FXYD6: variants seen among roughly 807,000 people sequenced by gnomAD.
FXYD6 encodes FXYD domain-containing ion transport regulator 6.
FXYD6 carries 7 observed loss-of-function variants against 16.7 expected under a neutral mutation model. That is an observed-to-expected ratio of 0.42 (90% CI 0.24 to 0.79). FXYD6 has a LOEUF of 0.79. Among genes scored for constraint, FXYD6 ranks in the 30% least tolerant of loss-of-function variants. The pLI is 0.28. For synonymous variants in FXYD6, 49 were observed against 43.0 expected (o/e 1.14, Z -0.54); for missense variants, 111 against 116.2 (o/e 0.95, Z 0.21).
rs113400549 is a variant in FXYD6 at position 117,839,899 on chromosome 11, G to A, written c.260-69C>T. Reference sequence around the variant, plus strand: ...CCCCCGTGGGCCACCCCCAACAGCAGCCGTGTCTCTGCCTGACTCTGGGGG... The same window carrying A: ...CCCCCGTGGGCCACCCCCAACAGCAACCGTGTCTCTGCCTGACTCTGGGGG... On this transcript the variant is annotated intron_variant, in intron 6 of 7. Transcript: ENST00000526014. 5.5e-4 allele frequency: 875 copies of A among 1,597,382 alleles called. 10 individuals are homozygous for A. The African/African-American group carries it at 0.01, about 19-fold the overall frequency.
At chr11:117,859,107 G>A (rs1440925578) in intron 1 of FXYD6, among the ~76,000 whole-genome samples, 3 of 142,536 alleles carry the variant, frequency 2.1e-5, no homozygotes, top group African/African-American at 7.3e-5. Flanking sequence ...CCTTCTGGGA[G>A]GCTGCTCGAA....
intron 1 of FXYD6, among the ~76,000 whole-genome samples, chr11:117,861,209 C>T (rs1402461372): frequency 2.0e-5 from 3 of 152,220 alleles, no homozygotes; most frequent in African/African-American, 7.2e-5. Context: ...GGAGCCTGCT[C>T]TGTCCCCACT....
rs1165907405 is a variant in FXYD6, at chr11:117,870,665, C to T, written c.-6+5927G>A. ...AAGTGGCATGAAGATGAACCCTGAC[C>T]CACGGGCCTGGATACCCAGAAATGT... is the stretch of plus-strand genomic sequence containing the variant. On this transcript the variant is annotated intron_variant, in intron 1 of 7. Coordinates refer to ENST00000526014, the MANE Select transcript of FXYD6 (RefSeq NM_022003.4). This position sits in a 1 kb window ranked among gnomAD's most constrained non-coding sequence, Gnocchi z 4.2. 1.3e-5 allele frequency among the ~76,000 whole-genome samples: 2 copies of T among 152,192 alleles called. No homozygotes were observed. Among genetic ancestry groups the T allele is most frequent in the East Asian group, 3.9e-4 (2 of 5,192 alleles).
intron 1 of FXYD6, among the ~76,000 whole-genome samples, chr11:117,875,098 T>C (rs1044649638): frequency 1.1e-5 from 1 of 88,396 alleles, no homozygotes; most frequent in Non-Finnish European, 3.4e-5. Context: ...CTTATTTAGA[T>C]GTACTGTGTG....
intron 1 of FXYD6, among the ~76,000 whole-genome samples, chr11:117,848,102 G>C (rs2134151897): frequency 6.6e-6 from 1 of 152,186 alleles, no homozygotes; most frequent in South Asian, 2.1e-4. Context: ...TATATTTCTT[G>C]TCCTAGTGTA....
chr11:117,847,969 A>G (rs1238724009), intron 1 of FXYD6, among the ~76,000 whole-genome samples: 1 of 152,166 alleles, frequency 6.6e-6, no homozygotes, highest in Non-Finnish European at 1.5e-5. Flanking sequence ...GAACTAGTTT[A>G]CAGTCCCACC....
chr11:117,855,647 G>T (rs777169220), intron 1 of FXYD6, among the ~76,000 whole-genome samples: 8 of 152,196 alleles, frequency 5.3e-5, no homozygotes, highest in Non-Finnish European at 1.0e-4. Flanking sequence ...AGTTCCGGGC[G>T]AGAGATTCTA....
intron 1 of FXYD6, among the ~76,000 whole-genome samples, chr11:117,859,926 C>T (rs497190): frequency 0.96 from 146,115 of 152,254 alleles, 70,363 homozygotes; most frequent in East Asian, 1. Flanking sequence ...CTCACCTTAC[C>T]GCACAGCTGG....
At chr11:117,865,242 T>C (rs982466154) in intron 1 of FXYD6, among the ~76,000 whole-genome samples, 5 of 152,182 alleles carry the variant, frequency 3.3e-5, no homozygotes, top group Non-Finnish European at 7.4e-5. Context: ...GTGGAGAAAT[T>C]GGAACCACTG....
chr11:117,838,964 G>C (rs1218637884), intron 7 of FXYD6: 3 of 153,128 alleles, frequency 2.0e-5, no homozygotes, highest in African/African-American at 7.2e-5. Context: ...ACTTGTATGG[G>C]GGGAAAAAAA....
At chr11:117,871,043 C>T (rs1244931039) in intron 1 of FXYD6, among the ~76,000 whole-genome samples, 1 of 152,174 alleles carries the variant, frequency 6.6e-6, no homozygotes, top group East Asian at 1.9e-4. Flanking sequence ...AAAACTTTCT[C>T]GGTATCCTCC....
intron 1 of FXYD6, chr11:117,843,921 G>A (rs1419576178): frequency 6.6e-6 from 1 of 152,282 alleles, no homozygotes; most frequent in African/African-American, 2.4e-5. Flanking sequence ...TCAATGGCAG[G>A]ACACACATCT....
chr11:117,843,436 T>C (rs938263944), intron 1 of FXYD6, among the ~76,000 whole-genome samples: 4 of 152,136 alleles, frequency 2.6e-5, no homozygotes, highest in East Asian at 1.9e-4. Context: ...GGACGTGACT[T>C]TGAAGATCTC....
intron 1 of FXYD6, among the ~76,000 whole-genome samples, chr11:117,866,667 T>C (rs7118101): frequency 0.17 from 25,356 of 152,140 alleles, 2,303 homozygotes; most frequent in African/African-American, 0.24. Flanking sequence ...GCACAGGCAC[T>C]CCTGTGTCCC....
chr11:117,850,223 T>A (rs1313928683), intron 1 of FXYD6, among the ~76,000 whole-genome samples: 1 of 152,246 alleles, frequency 6.6e-6, no homozygotes, highest in Non-Finnish European at 1.5e-5. Flanking sequence ...TCTGAATAAA[T>A]CTTTTCTCTT....
At chr11:117,842,983 G>C (rs1197233338) in intron 1 of FXYD6, among the ~76,000 whole-genome samples, 4 of 151,956 alleles carry the variant, frequency 2.6e-5, no homozygotes, top group Non-Finnish European at 5.9e-5. Context: ...GCCCAGGCTA[G>C]AGCGTAGTGG....
chr11:117,853,907 G>A lies in FXYD6; in HGVS notation c.-5-11126C>T, dbSNP rs556749175. 1.1e-3 allele frequency among the ~76,000 whole-genome samples: 167 copies of A among 152,270 alleles called. 1 individual carries two copies. The highest frequency in any genetic ancestry group is 7.7e-4 in the East Asian group (4 of 5,178). ...TCATTCCTTCTTTAAACCAAGCTGT[G>A]TAATAGTAAACCTGGGATTAATTAT... On this transcript the variant is annotated intron_variant, in intron 1 of 7. Coordinates refer to ENST00000526014, the MANE Select transcript of FXYD6 (RefSeq NM_022003.4).
At chr11:117,838,945 T>A (rs2056269425) in intron 7 of FXYD6, 1 of 153,442 alleles carries the variant, frequency 6.5e-6, no homozygotes, top group African/African-American at 2.4e-5. Context: ...TACCTTTCTA[T>A]AATGCCTTAC....
chr11:117,840,147 C>T (rs1332426989), intron 6 of FXYD6, 172 bp downstream of exon 6: 1 of 779,982 alleles, frequency 1.3e-6, no homozygotes, highest in Non-Finnish European at 2.1e-6. Flanking sequence ...CTAGTAGTAG[C>T]CTGTTTGGTG....
Sources: gnomAD v4.1 joint callset for allele counts (sites outside exome capture counted in the v4.1 genomes callset) on GRCh38, gnomAD v4.1.1 for gene constraint, Gnocchi (gnomAD v3.1) non-coding constraint, MANE v1.5 for transcripts, NCBI Gene and HGNC (gene_info 2026-07-23, HGNC 2026-07-21) for gene names.